Variants in DCUN1D1 observed in about 807,000 individuals in gnomAD.
DCUN1D1 encodes the protein DCN1-like protein 1.
DCUN1D1 carries 3 observed loss-of-function variants against 39.0 expected under a neutral mutation model. That is an observed-to-expected ratio of 0.08 (90% CI 0.04 to 0.20). The LOEUF (loss-of-function observed/expected upper bound fraction) is 0.20, where lower values mean the gene tolerates loss of function less well. DCUN1D1 is among the 10% of genes least tolerant of loss of function. The probability of loss-of-function intolerance (pLI) is 1.00; values close to 1 mark genes in which losing one functional copy is unlikely to be tolerated. For missense variants in DCUN1D1, 158 were observed against 302.4 expected (o/e 0.52, Z 3.54); for synonymous variants, 82 against 96.3 (o/e 0.85, Z 0.87).
chr3:182,953,069 G>C (rs1726838489), intron 4 of DCUN1D1, among the ~76,000 whole-genome samples: 1 of 152,140 alleles, frequency 6.6e-6, no homozygotes, highest in African/African-American at 2.4e-5. Flanking sequence ...TTTCACCTCT[G>C]AGCAAGTGAA....
At chr3:182,983,418 T>G (rs1376706322), upstream of DCUN1D1, among the ~76,000 whole-genome samples, 1 of 152,208 alleles carries the variant, frequency 6.6e-6, no homozygotes. Flanking sequence ...ATAATATGCC[T>G]AAAATTCCCT....
At chr3:182,975,264 C>A (rs1728165286) in intron 1 of DCUN1D1, among the ~76,000 whole-genome samples, 1 of 151,586 alleles carries the variant, frequency 6.6e-6, no homozygotes, top group Non-Finnish European at 1.5e-5. Context: ...GCAAGCTCCA[C>A]CTCCTGGGTT....
At chr3:182,978,816 C>A (rs1420033660) in intron 1 of DCUN1D1, among the ~76,000 whole-genome samples, 1 of 152,194 alleles carries the variant, frequency 6.6e-6, no homozygotes, top group Non-Finnish European at 1.5e-5. Context: ...TCAAAACTAG[C>A]TAATTTTAAT....
chr3:182,974,067 C>G (rs2108394933), intron 1 of DCUN1D1, among the ~76,000 whole-genome samples: 1 of 151,964 alleles, frequency 6.6e-6, no homozygotes, highest in African/African-American at 2.4e-5. Flanking sequence ...GCCTGGCCAA[C>G]ATGCTGAAAC....
intron 3 of DCUN1D1, among the ~76,000 whole-genome samples, chr3:182,962,605 G>C (rs1727456844): frequency 6.6e-6 from 1 of 152,112 alleles, no homozygotes; most frequent in Non-Finnish European, 1.5e-5. Context: ...GCCTTGTGGG[G>C]ATCTCCTAAG....
upstream of DCUN1D1, chr3:182,980,611 C>G (rs1049183795): frequency 7.5e-6 from 8 of 1,061,390 alleles, no homozygotes; most frequent in Non-Finnish European, 9.1e-6. Flanking sequence ...CGGGGCGGCC[C>G]GGCGCGGCCC....
rs571005067 is a variant in DCUN1D1, at chr3:182,941,301, A to G, written c.*3793T>C. The G allele has an allele frequency of 1.3e-5, 2 of 152,272 alleles. No homozygotes were observed. Among genetic ancestry groups the G allele is most frequent in the African/African-American group, 4.8e-5 (2 of 41,582 alleles). The allele number at this position is 152,272 out of a possible 1,614,324, so 9.4% of individuals were successfully genotyped here. A position where few individuals can be genotyped will look rare whatever the true frequency, so the allele number is the denominator to read the frequency against. ...TATTAGGAACTTTCTCATTTATCTT[A>G]ACTACAAAATATACACCCCTTTCCC... On this transcript the variant is annotated 3_prime_UTR_variant, in exon 7 of 7. Transcript: ENST00000292782.
At chr3:182,984,482 A>G (rs1728662566), upstream of DCUN1D1, among the ~76,000 whole-genome samples, 1 of 152,148 alleles carries the variant, frequency 6.6e-6, no homozygotes, top group African/African-American at 2.4e-5. Flanking sequence ...TTTTTCAAGT[A>G]CAGGAGTTCT....
intron 1 of DCUN1D1, among the ~76,000 whole-genome samples, chr3:182,972,230 A>G (rs1173046311): frequency 3.9e-5 from 6 of 152,052 alleles, no homozygotes; most frequent in Non-Finnish European, 7.4e-5. Context: ...AAAAAAAATC[A>G]CAGGGCACTC....
intron 6 of DCUN1D1, 71 bp from the exon 7 acceptor site, chr3:182,945,244 G>C (rs1726334125): frequency 8.3e-7 from 1 of 1,204,928 alleles, no homozygotes; most frequent in Admixed American, 2.3e-5. Flanking sequence ...CATTTTAGTA[G>C]AATCCTTTTT....
At chr3:182,947,151 G>T in intron 6 of DCUN1D1, 87 bp downstream of exon 6, 2 of 675,116 alleles carry the variant, frequency 3.0e-6, no homozygotes, top group South Asian at 2.3e-5. Flanking sequence ...TTCCAACTCC[G>T]AGAAAAACAA....
chr3:182,950,243 G>A (rs1291259059), intron 4 of DCUN1D1, among the ~76,000 whole-genome samples: 1 of 151,950 alleles, frequency 6.6e-6, no homozygotes, highest in African/African-American at 2.4e-5. Flanking sequence ...CGACTCCCTG[G>A]TTCAAGCAAT....
chr3:182,956,395 T>TAACAAA (rs1326589682), intron 4 of DCUN1D1: 1 of 212,418 alleles, frequency 4.7e-6, no homozygotes, highest in Non-Finnish European at 1.0e-5. Context: ...TAACACAAAA[T>TAACAAA]AACAACAACA....
intron 1 of DCUN1D1, among the ~76,000 whole-genome samples, chr3:182,966,212 A>C (rs1031845817): frequency 7.9e-5 from 12 of 152,142 alleles, no homozygotes; most frequent in Admixed American, 6.5e-4. Flanking sequence ...ACAGGTGTTT[A>C]CTGCAGTCCT....
chr3:182,974,063 C>T (rs1728087130), intron 1 of DCUN1D1, among the ~76,000 whole-genome samples: 1 of 151,742 alleles, frequency 6.6e-6, no homozygotes, highest in Non-Finnish European at 1.5e-5. Flanking sequence ...ACCAGCCTGG[C>T]CAACATGCTG....
intron 1 of DCUN1D1, 124 bp downstream of exon 1, chr3:182,980,363 C>T (rs1353253960): frequency 2.8e-6 from 2 of 710,790 alleles, no homozygotes; most frequent in African/African-American, 1.9e-5. Context: ...GGGAGCGGGA[C>T]GGAGGCCGCG....
At chr3:182,947,419 T>G in intron 5 of DCUN1D1, 85 bp from the exon 6 acceptor site, 2 of 1,131,020 alleles carry the variant, frequency 1.8e-6, no homozygotes, top group Non-Finnish European at 2.6e-6. Context: ...AATACAAGAA[T>G]GCAAAACAAT....
At chr3:182,973,840 A>G (rs1263399166) in intron 1 of DCUN1D1, among the ~76,000 whole-genome samples, 2 of 152,094 alleles carry the variant, frequency 1.3e-5, no homozygotes, top group Admixed American at 6.5e-5. Flanking sequence ...GTATATCTGT[A>G]AGATTCAAAT....
chr3:182,981,555 G>A (rs1279486764), upstream of DCUN1D1, among the ~76,000 whole-genome samples: 1 of 152,070 alleles, frequency 6.6e-6, no homozygotes, highest in East Asian at 1.9e-4. Flanking sequence ...CACACAGGAA[G>A]GAAATAAAAC....
Sources: gnomAD v4.1 joint callset for allele counts (sites outside exome capture counted in the v4.1 genomes callset) on GRCh38, gnomAD v4.1.1 for gene constraint, MANE v1.5 for transcripts, NCBI Gene and HGNC (gene_info 2026-07-23, HGNC 2026-07-21) for gene names.